ANO3: variants seen among roughly 807,000 people sequenced by gnomAD.
ANO3 encodes the protein anoctamin-3.
A neutral mutation model predicts 144.8 loss-of-function variants in ANO3; 99 were observed. That is an observed-to-expected ratio of 0.68 (90% CI 0.58 to 0.81). ANO3 has a LOEUF of 0.81. ANO3 is among the 30% of genes least tolerant of loss of function. ANO3 has a pLI of 0.00. For missense variants in ANO3, 905 were observed against 1,202.2 expected (o/e 0.75, Z 3.66); for synonymous variants, 414 against 392.6 (o/e 1.05, Z -0.64).
At chr11:26,346,413 C>A (rs1855496571) in intron 1 of ANO3, among the ~76,000 whole-genome samples, 1 of 152,164 alleles carries the variant, frequency 6.6e-6, no homozygotes, top group African/African-American at 2.4e-5. Flanking sequence ...CTATATCTCA[C>A]TTTTTATAGG....
At chr11:26,451,401 C>T (rs970847994) in intron 3 of ANO3, among the ~76,000 whole-genome samples, 11 of 152,184 alleles carry the variant, frequency 7.2e-5, no homozygotes, top group East Asian at 1.9e-4. Context: ...GCTTTTCCGA[C>T]GGGCTTAAAA....
chr11:26,428,115 A>C (rs1035719459), intron 1 of ANO3, among the ~76,000 whole-genome samples: 2 of 152,206 alleles, frequency 1.3e-5, no homozygotes, highest in Non-Finnish European at 2.9e-5. Context: ...AGTTACAAAA[A>C]TCAGAAAGTA....
intron 24 of ANO3, among the ~76,000 whole-genome samples, chr11:26,651,958 C>A (rs1342220510): frequency 3.9e-5 from 6 of 152,068 alleles, no homozygotes; most frequent in Admixed American, 3.9e-4. Context: ...CATTCTTGCC[C>A]CTCCCCTTTC....
intron 1 of ANO3, among the ~76,000 whole-genome samples, chr11:26,315,303 C>A (rs1414539446): frequency 1.3e-5 from 2 of 152,150 alleles, no homozygotes; most frequent in African/African-American, 2.4e-5. Flanking sequence ...CCCCTCAATT[C>A]TCCTCAGTTT....
At chr11:26,522,738 C>T (rs1862132198) in intron 6 of ANO3, among the ~76,000 whole-genome samples, 1 of 151,892 alleles carries the variant, frequency 6.6e-6, no homozygotes, top group African/African-American at 2.4e-5. Context: ...CAAAATTTCC[C>T]CCACCCAGAA....
At chr11:26,472,388 C>G (rs1426604263) in intron 4 of ANO3, among the ~76,000 whole-genome samples, 1 of 151,926 alleles carries the variant, frequency 6.6e-6, no homozygotes, top group Admixed American at 6.6e-5. Context: ...CATCACAACT[C>G]TAAAATGTAA....
At chr11:26,601,168 T>A (rs1851790656) in intron 17 of ANO3, among the ~76,000 whole-genome samples, 1 of 152,166 alleles carries the variant, frequency 6.6e-6, no homozygotes, top group South Asian at 2.1e-4. Context: ...TATATTTACA[T>A]CATGAGATAA....
chr11:26,639,157 G>A lies in ANO3; in HGVS notation c.2057G>A (p.Gly686Asp). 6.2e-7 allele frequency: 1 copy of A among 1,611,450 alleles called. No individual in the cohort carries two copies. Among genetic ancestry groups the A allele is most frequent in the South Asian group, 1.1e-5 (1 of 91,014 alleles). The change falls in exon 21 of 27, where the codon GGC becomes GAC. Residue 686 changes from glycine to aspartate, a missense_variant. Coordinates refer to ENST00000256737, the MANE Select transcript of ANO3 (RefSeq NM_031418.4). ...GTTCTATTTCAGTGTCATCCTAGTGGCTGTTTGATAGACCTCTGCCTCCAG... is the reference window on the plus strand; with the variant it reads ...GTTCTATTTCAGTGTCATCCTAGTGACTGTTTGATAGACCTCTGCCTCCAG... ...RWRLEECHPSGCLIDLCLQMG... is the reference protein window; with the variant it reads ...RWRLEECHPSDCLIDLCLQMG...
At chr11:26,272,220 A>G (rs1319535727) in intron 1 of ANO3, among the ~76,000 whole-genome samples, 1 of 152,110 alleles carries the variant, frequency 6.6e-6, no homozygotes, top group Non-Finnish European at 1.5e-5. Context: ...TGCCACGGCG[A>G]TGCTAGAAGA....
rs893778980 is a variant in ANO3, at chr11:26,507,982, G to A, written c.433-122G>A. On this transcript the variant is annotated intron_variant, in intron 4 of 26. Transcript: ENST00000256737. ...TTTAATTCTATTTCCATATCTCATG[G>A]TAGGAATATTAAAAATACATTTTTT... is the stretch of plus-strand genomic sequence containing the variant. 9 of 804,950 alleles carry A rather than the reference G, an allele frequency of 1.1e-5. No homozygotes were observed. In the African/African-American group the frequency reaches 1.3e-4, roughly 11 times the overall value. The allele number at this position is 804,950 out of a possible 1,614,324, so 49.9% of individuals were successfully genotyped here.
At chr11:26,557,353 C>T (rs1270616281) in intron 13 of ANO3, among the ~76,000 whole-genome samples, 4 of 150,720 alleles carry the variant, frequency 2.7e-5, no homozygotes, top group Admixed American at 6.6e-5. Context: ...CCCAGCTACT[C>T]GGGAGGCTGA....
intron 3 of ANO3, among the ~76,000 whole-genome samples, chr11:26,453,845 G>A (rs1006065257): frequency 6.6e-6 from 1 of 151,942 alleles, no homozygotes; most frequent in Non-Finnish European, 1.5e-5. Context: ...GCACCCCTCA[G>A]CAAATATAAA....
chr11:26,500,860 G>A (rs961569370), intron 4 of ANO3, among the ~76,000 whole-genome samples: 6 of 151,850 alleles, frequency 4.0e-5, no homozygotes, highest in African/African-American at 7.2e-5. Flanking sequence ...AGAGCTATTA[G>A]GAGGAAACAG....
intron 1 of ANO3, among the ~76,000 whole-genome samples, chr11:26,255,647 G>A (rs1028447626): frequency 6.6e-6 from 1 of 152,124 alleles, no homozygotes; most frequent in East Asian, 1.9e-4. Flanking sequence ...TCTCCTATGT[G>A]CATCAGCCAT....
chr11:26,557,533 T>C (rs1205737987), intron 13 of ANO3, among the ~76,000 whole-genome samples: 3 of 152,136 alleles, frequency 2.0e-5, no homozygotes, highest in Non-Finnish European at 2.9e-5. Context: ...GCTGTTTTTC[T>C]AATAAAATAA....
intron 4 of ANO3, among the ~76,000 whole-genome samples, chr11:26,481,421 G>A (rs1860212043): frequency 6.6e-6 from 1 of 152,212 alleles, no homozygotes; most frequent in South Asian, 2.1e-4. Context: ...CAGTAGAGGT[G>A]GAAAATTCTA....
intron 3 of ANO3, among the ~76,000 whole-genome samples, chr11:26,461,942 C>T (rs1859410549): frequency 6.6e-6 from 1 of 151,906 alleles, no homozygotes; most frequent in Non-Finnish European, 1.5e-5. Flanking sequence ...CTAAGTGTAA[C>T]CACTAAAAGC....
rs772297446 is a variant in ANO3, at chr11:26,534,500, G to A, written c.914G>A (p.Arg305Gln). 11 of 1,612,946 alleles carry A rather than the reference G, an allele frequency of 6.8e-6. No individual in the cohort carries two copies. The highest frequency in any genetic ancestry group is 6.7e-5 in the East Asian group (3 of 44,772). Residue 305 changes from arginine to glutamine, a missense_variant, in exon 9 of 27, where the codon CGA becomes CAA. By Grantham distance (43) the Arg-to-Gln change is conservative. This residue lies in a region of ANO3 where 597 missense variants were observed against 865.1 expected (regional missense o/e 0.69). Transcript: ENST00000256737. ...GACACCTTCTTCAGCAATGCTACTC[G>A]AAGCAGAATAGTCTATCACATGCTG... ...NKDTFFSNATRSRIVYHMLER... is the reference protein window; with the variant it reads ...NKDTFFSNATQSRIVYHMLER...
chr11:26,332,372 C>A, intron 1 of ANO3, 51 bp downstream of exon 1: 1 of 1,581,730 alleles, frequency 6.3e-7, no homozygotes, highest in Non-Finnish European at 8.7e-7. Context: ...TTCCCCCCTG[C>A]ATGCCCTTGC....
Sources: gnomAD v4.1 joint callset for allele counts (sites outside exome capture counted in the v4.1 genomes callset) on GRCh38, gnomAD v4.1.1 for gene constraint, gnomAD v4.1.1 regional missense constraint, MANE v1.5 for transcripts, NCBI Gene and HGNC (gene_info 2026-07-23, HGNC 2026-07-21) for gene names.